The following CPSF3 variants were observed in gnomAD, a reference collection of about 807,000 sequenced individuals.
The protein encoded by CPSF3 is cleavage and polyadenylation specificity factor subunit 3.
In CPSF3, 57 loss-of-function variants were observed where a neutral mutation model predicts 84.1. The ratio of observed to expected loss-of-function variants is 0.68; its 90% CI spans 0.55 to 0.85. The LOEUF (loss-of-function observed/expected upper bound fraction) is 0.85, where lower values mean the gene tolerates loss of function less well. CPSF3 is among the 40% of genes least tolerant of loss of function. The probability of loss-of-function intolerance (pLI) is 0.00; values close to 1 mark genes in which losing one functional copy is unlikely to be tolerated. For missense variants in CPSF3, 522 were observed against 838.8 expected, an observed-to-expected ratio of 0.62 and a Z score of 4.66; for synonymous variants, 275 against 278.1, an observed-to-expected ratio of 0.99 and a Z score of 0.11.
At chr2:9,430,300 T>G (rs1388830941) in intron 3 of CPSF3, among the ~76,000 whole-genome samples, 1 of 152,226 alleles carries the variant, frequency 6.6e-6, no homozygotes, top group Non-Finnish European at 1.5e-5. Context: ...AGAAAGCCCT[T>G]TTCCAGGATA....
intron 14 of CPSF3, among the ~76,000 whole-genome samples, chr2:9,458,201 C>T (rs975523739): frequency 5.9e-4 from 89 of 151,852 alleles, no homozygotes; most frequent in African/African-American, 2.1e-3. Flanking sequence ...ATCAGGAGTT[C>T]GAGACCACCC....
intron 14 of CPSF3, among the ~76,000 whole-genome samples, chr2:9,458,840 C>T (rs545129366): frequency 1.3e-5 from 2 of 151,404 alleles, no homozygotes; most frequent in African/African-American, 4.9e-5. Flanking sequence ...TGGCCGGGCG[C>T]GGTGGCTCAT....
At chr2:9,440,140 C>T (rs555057975) in intron 7 of CPSF3, among the ~76,000 whole-genome samples, 2 of 152,080 alleles carry the variant, frequency 1.3e-5, no homozygotes, top group Admixed American at 6.5e-5. Flanking sequence ...TTTTCTAGTA[C>T]ACTTTTCTAA....
chr2:9,455,647 TTTTCTCTTCAGATTATAC>T lies in CPSF3; in HGVS notation c.1505-10_1512del, dbSNP rs1681500765. The stretch of plus-strand genomic sequence containing the variant: ...TAGTATTTCTTCAAGTCTCTTCTCA[TTTTCTCTTCAGATTATAC>T]TGACCTGGCCATGAGCACGGTGAAG... On this transcript the variant is annotated splice_acceptor_variant and splice_polypyrimidine_tract_variant and coding_sequence_variant and intron_variant, in exon 13 of 18. Coordinates refer to ENST00000238112, the MANE Select transcript of CPSF3 (RefSeq NM_016207.4). LOFTEE classifies it high-confidence loss of function. The T allele has an allele frequency of 6.3e-7, 1 of 1,597,522 alleles. No homozygotes were observed. The highest frequency in any genetic ancestry group is 8.6e-7 in the Non-Finnish European group (1 of 1,166,828).
intron 1 of CPSF3, chr2:9,424,149 G>A: frequency 1.9e-6 from 2 of 1,072,438 alleles, no homozygotes; most frequent in Non-Finnish European, 2.3e-6. Flanking sequence ...ACGGATCTCT[G>A]CGCGTCAGGG....
At chr2:9,434,541 T>C (rs1420796708) in intron 6 of CPSF3, among the ~76,000 whole-genome samples, 1 of 152,228 alleles carries the variant, frequency 6.6e-6, no homozygotes, top group Non-Finnish European at 1.5e-5. Flanking sequence ...CTCTCTGTCT[T>C]CTAAATATAT....
At chr2:9,454,744 C>T (rs1048112879) in intron 12 of CPSF3, among the ~76,000 whole-genome samples, 2 of 151,858 alleles carry the variant, frequency 1.3e-5, no homozygotes, top group African/African-American at 4.8e-5. Flanking sequence ...CGGGGTTTCA[C>T]CGTGTTAGCC....
intron 12 of CPSF3, 74 bp downstream of exon 12, chr2:9,453,095 C>T: frequency 1.1e-6 from 1 of 886,906 alleles, no homozygotes; most frequent in Non-Finnish European, 1.7e-6. Context: ...CTTCTCTTCA[C>T]CTTGTGGCCT....
intron 15 of CPSF3, among the ~76,000 whole-genome samples, chr2:9,461,488 C>G (rs1049352911): frequency 2.0e-5 from 3 of 151,944 alleles, no homozygotes. Context: ...CATGGTGAAA[C>G]CCCATCTTTT....
Position 9,441,897 on chromosome 2 carries a change from A to G in CPSF3, c.1016A>G (p.Glu339Gly). Residue 339 changes from glutamate (E) to glycine (G), a missense_variant, in exon 9 of 18, where the codon GAA becomes GGA. Physicochemically the swap from Glu to Gly is moderately conservative, Grantham distance 98. This residue lies in a region of CPSF3 where 329 missense variants were observed against 607.2 expected (regional missense o/e 0.54). Coordinates refer to ENST00000238112, the MANE Select transcript of CPSF3 (RefSeq NM_016207.4). ...PGMMQSGLSRELFESWCTDKR... is the reference protein window; with the variant it reads ...PGMMQSGLSRGLFESWCTDKR... ...ATGATGCAAAGTGGCTTATCCAGAG[A>G]ATTATTTGAAAGCTGGTGTACTGAT... 6.2e-7 allele frequency: 1 copy of G among 1,614,144 alleles called. No homozygotes were observed. The highest frequency in any genetic ancestry group is 8.5e-7 in the Non-Finnish European group (1 of 1,180,018).
rs568621305 is a variant in CPSF3 at position 9,463,256 on chromosome 2, TGACG to T, written c.1786+3641_1786+3644del. Among the ~76,000 whole-genome samples the T allele has an allele frequency of 6.6e-5, 10 of 152,336 alleles. 1 individual carries two copies. In the South Asian group the frequency reaches 2.1e-3, roughly 32 times the overall value. On this transcript the variant is annotated intron_variant, in intron 15 of 17. Coordinates refer to ENST00000238112, the MANE Select transcript of CPSF3 (RefSeq NM_016207.4). ...CTTTGAGCGGGGCTGAGACAGGATC[TGACG>T]GAGTTTTTAAAGGACTGCCGTGGTG... is the stretch of plus-strand genomic sequence containing the variant.
intron 1 of CPSF3, among the ~76,000 whole-genome samples, chr2:9,427,128 A>T (rs912659914): frequency 1.3e-5 from 2 of 152,198 alleles, no homozygotes; most frequent in Non-Finnish European, 2.9e-5. Context: ...TAAAGAGCAG[A>T]CAGTGAGGAA....
intron 12 of CPSF3, 119 bp from the exon 13 acceptor site, chr2:9,455,540 T>C: frequency 1.5e-6 from 1 of 689,166 alleles, no homozygotes; most frequent in South Asian, 1.9e-5. Context: ...AAGGAGCATC[T>C]TGTTAGCTTT....
intron 11 of CPSF3, among the ~76,000 whole-genome samples, chr2:9,449,577 A>C (rs1381824569): frequency 6.6e-6 from 1 of 152,134 alleles, no homozygotes; most frequent in Non-Finnish European, 1.5e-5. Flanking sequence ...CCCAGTCTCT[A>C]CGAAAAATAC....
intron 7 of CPSF3, among the ~76,000 whole-genome samples, chr2:9,436,910 C>T (rs574473267): frequency 6.6e-6 from 1 of 151,974 alleles, no homozygotes; most frequent in African/African-American, 2.4e-5. Flanking sequence ...ATATGTGTAC[C>T]CTTTGGCCAG....
At chr2:9,465,942 A>G (rs1681892327) in intron 15 of CPSF3, among the ~76,000 whole-genome samples, 1 of 152,242 alleles carries the variant, frequency 6.6e-6, no homozygotes, top group Admixed American at 6.5e-5. Flanking sequence ...TTATTGATAC[A>G]TAATTCACAT....
chr2:9,453,165 G>T (rs1251274154), intron 12 of CPSF3, 144 bp downstream of exon 12: 2 of 554,598 alleles, frequency 3.6e-6, no homozygotes, highest in Non-Finnish European at 6.3e-6. Context: ...AATTAGCTTT[G>T]TGGGGAGAGA....
intron 7 of CPSF3, among the ~76,000 whole-genome samples, chr2:9,439,072 A>G (rs1419419151): frequency 6.6e-6 from 1 of 152,234 alleles, no homozygotes; most frequent in Non-Finnish European, 1.5e-5. Flanking sequence ...CATAAGAGTA[A>G]TAAATCATGA....
intron 5 of CPSF3, among the ~76,000 whole-genome samples, chr2:9,433,299 G>A (rs928131388): frequency 6.6e-6 from 1 of 152,176 alleles, no homozygotes; most frequent in African/African-American, 2.4e-5. Flanking sequence ...TCCTTTTCGA[G>A]TTTGCTAGGT....
Sources: gnomAD v4.1 joint callset for allele counts (sites outside exome capture counted in the v4.1 genomes callset) on GRCh38, gnomAD v4.1.1 for gene constraint, gnomAD v4.1.1 regional missense constraint, MANE v1.5 for transcripts, NCBI Gene and HGNC (gene_info 2026-07-23, HGNC 2026-07-21) for gene names.